UPF2: variants seen among roughly 807,000 people sequenced by gnomAD.
The protein encoded by UPF2 is regulator of nonsense transcripts 2.
UPF2 carries 17 observed loss-of-function variants against 141.4 expected under a neutral mutation model. That is an observed-to-expected ratio of 0.12 (90% CI 0.08 to 0.18). The LOEUF is 0.18. Ranked by LOEUF, UPF2 falls within the 10% of genes least tolerant of loss-of-function variation. UPF2 has a pLI of 1.00. For synonymous variants in UPF2, 540 were observed against 498.0 expected (o/e 1.08, Z -1.12); for missense variants, 1,152 against 1,515.9 (o/e 0.76, Z 3.99).
intron 4 of UPF2, among the ~76,000 whole-genome samples, chr10:12,009,045 T>C (rs1227942549): frequency 6.6e-6 from 1 of 152,220 alleles, no homozygotes; most frequent in Non-Finnish European, 1.5e-5. Context: ...GGCTGCATAG[T>C]ATTCCATGGT....
intron 9 of UPF2, among the ~76,000 whole-genome samples, chr10:11,971,542 G>A (rs975141350): frequency 2.0e-5 from 3 of 152,006 alleles, no homozygotes; most frequent in Non-Finnish European, 4.4e-5. Context: ...GTGAGCCACC[G>A]CGCCCGGTCT....
chr10:12,010,392 A>G (rs1414790442), intron 4 of UPF2, among the ~76,000 whole-genome samples: 1 of 152,258 alleles, frequency 6.6e-6, no homozygotes, highest in Admixed American at 6.5e-5. Context: ...TCAACAAGCT[A>G]CAAGATTGAA....
rs1001889894 is a variant in UPF2, at chr10:11,956,484, C to T, written c.2410G>A (p.Glu804Lys). The T allele has an allele frequency of 6.2e-7, 1 of 1,613,796 alleles. No individual in the cohort carries two copies. Among genetic ancestry groups the T allele is most frequent in the African/African-American group, 1.3e-5 (1 of 74,924 alleles). ...CAACAAATAACATAGTCTTTCACTT[C>T]TTGGTCCTGCCAGGGCAGCTTTCGC... ...QMRKLPWQDQEVKDYVICCMI... is the reference protein window; with the variant it reads ...QMRKLPWQDQKVKDYVICCMI... Residue 804 changes from glutamate to lysine, a missense_variant, in exon 13 of 22, where the codon GAA (glutamate) becomes AAA (lysine). Transcript: ENST00000357604. The surrounding 1 kb of genome is among the most constrained non-coding windows in gnomAD (Gnocchi z 4.2).
chr10:12,028,702 C>T (rs978285216), intron 3 of UPF2, 43 bp downstream of exon 3: 3 of 1,528,410 alleles, frequency 2.0e-6, no homozygotes, highest in Non-Finnish European at 8.8e-7. Context: ...TAAGTATGAG[C>T]TCCAAAATAA....
chr10:11,952,517 C>T (rs1473888417), intron 14 of UPF2, among the ~76,000 whole-genome samples: 2 of 147,524 alleles, frequency 1.4e-5, no homozygotes, highest in African/African-American at 5.0e-5. Flanking sequence ...CTCTGTCACC[C>T]AGTCTGGAGT....
At chr10:12,001,319 C>A (rs1328169296) in intron 6 of UPF2, among the ~76,000 whole-genome samples, 1 of 151,902 alleles carries the variant, frequency 6.6e-6, no homozygotes, top group Non-Finnish European at 1.5e-5. Context: ...GAGGCTGAGG[C>A]AGGAGAATTG....
rs191660101 is a variant in UPF2, at chr10:11,987,631, G to T, written c.1845-8466C>A. Among the ~76,000 whole-genome samples the T allele has an allele frequency of 2.0e-5, 3 of 151,746 alleles. No individual in the cohort carries two copies. The East Asian group carries it at 5.8e-4, about 29-fold the overall frequency. On this transcript the variant is annotated intron_variant, in intron 8 of 21. Coordinates refer to ENST00000357604, the MANE Select transcript of UPF2 (RefSeq NM_015542.4). ...ATAAAAATTAGCCAGGAGTGGTGGTGCATGCCTGTAGTCCCAGCTACTAGG... is the reference window on the plus strand; with the variant it reads ...ATAAAAATTAGCCAGGAGTGGTGGTTCATGCCTGTAGTCCCAGCTACTAGG...
chr10:12,029,222 A>C lies in UPF2; in HGVS notation c.668T>G (p.Val223Gly), dbSNP rs1834472482. The part of the protein sequence containing the change: ...KLKISDVNCA[V>G]HLCSLFHQRY... ...CTGGTGAAAGAGAGAGCAGAGGTGC[A>C]CAGCACAGTTCACATCAGAGATTTT... The change falls in exon 3 of 22, where the codon GTG (valine) becomes GGG (glycine). Residue 223 changes from valine to glycine, a missense_variant. Val to Gly is a moderately radical substitution (Grantham distance 109). This residue lies in a region of UPF2 where 739 missense variants were observed against 1,032.2 expected (regional missense o/e 0.72). Transcript: ENST00000357604. 1 of 1,614,102 alleles carries C rather than the reference A, an allele frequency of 6.2e-7. No individual in the cohort carries two copies. Among genetic ancestry groups the C allele is most frequent in the Admixed American group, 1.7e-5 (1 of 60,012 alleles).
chr10:11,934,085 G>A (rs1037687545), intron 19 of UPF2, among the ~76,000 whole-genome samples: 5 of 152,128 alleles, frequency 3.3e-5, no homozygotes, highest in African/African-American at 1.2e-4. Context: ...AGCCGGTGAT[G>A]GGGGGAATGG....
intron 9 of UPF2, 37 bp from the exon 10 acceptor site, chr10:11,967,491 C>A: frequency 8.9e-7 from 1 of 1,121,450 alleles, no homozygotes; most frequent in Non-Finnish European, 1.2e-6. Context: ...GCTTAATCAA[C>A]ATTTTGAATC....
rs1833578452 is a variant in UPF2, at chr10:11,980,753, G to A, written c.1845-1588C>T. On this transcript the variant is annotated intron_variant, in intron 8 of 21. Coordinates refer to ENST00000357604, the MANE Select transcript of UPF2 (RefSeq NM_015542.4). This position sits in a 1 kb window ranked among gnomAD's most constrained non-coding sequence, Gnocchi z 4.2. Reference sequence around the variant, plus strand: ...CATCTCAAAAAAAGATTATTGCTGAGCACATCACTGTACCATACAATAATA... The same window carrying A: ...CATCTCAAAAAAAGATTATTGCTGAACACATCACTGTACCATACAATAATA... Among the ~76,000 whole-genome samples, 1 of 151,964 alleles carries A rather than the reference G, an allele frequency of 6.6e-6. No individual in the cohort carries two copies.
rs924832217 is a variant in UPF2, at chr10:11,990,981, C to A, written c.1844+6691G>T. Among the ~76,000 whole-genome samples the A allele has an allele frequency of 1.3e-4, 18 of 136,588 alleles. No homozygotes were observed. In the Admixed American group the frequency reaches 1.3e-3, roughly 10 times the overall value. 89.6% of individuals were successfully genotyped at this position (136,588 alleles called of 152,430 possible). A position where few individuals can be genotyped will look rare whatever the true frequency, so the allele number is the denominator to read the frequency against. ...TCAGCGCTTGAGCGACAGAGCAAGA[C>A]TCCATCTCAAAAAAAAAAAAAAAAA... On this transcript the variant is annotated intron_variant, in intron 8 of 21. Coordinates refer to ENST00000357604, the MANE Select transcript of UPF2 (RefSeq NM_015542.4).
chr10:11,949,418 T>C (rs1342489271), intron 15 of UPF2, among the ~76,000 whole-genome samples: 1 of 152,268 alleles, frequency 6.6e-6, no homozygotes, highest in East Asian at 1.9e-4. Flanking sequence ...CTGCATGAAC[T>C]GTCAATGAGT....
At chr10:12,011,423 C>A (rs2131281341) in intron 4 of UPF2, among the ~76,000 whole-genome samples, 1 of 151,854 alleles carries the variant, frequency 6.6e-6, no homozygotes, top group South Asian at 2.1e-4. Context: ...CATGGTGAAA[C>A]CCCATCTCTA....
In UPF2 at chr10:11,992,533, T is replaced by C. The variant is rs1833796714; in HGVS notation, c.1844+5139A>G. Among the ~76,000 whole-genome samples, 1 of 152,006 alleles carries C rather than the reference T, an allele frequency of 6.6e-6. No homozygotes were observed. The highest frequency in any genetic ancestry group is 6.6e-5 in the Admixed American group (1 of 15,254). ...AACTTACAATCATAAAGTAATAAAA[T>C]AATAATGCAAACCTTCCTAAAACCA... is the stretch of plus-strand genomic sequence containing the variant. On this transcript the variant is annotated intron_variant, in intron 8 of 21. Transcript: ENST00000357604. The surrounding 1 kb of genome is among the most constrained non-coding windows in gnomAD (Gnocchi z 4.1).
Position 12,035,315 on chromosome 10 carries a change from G to A in UPF2, c.109C>T (p.Pro37Ser). 1 of 1,613,716 alleles carries A rather than the reference G, an allele frequency of 6.2e-7. No homozygotes were observed. Among genetic ancestry groups the A allele is most frequent in the Non-Finnish European group, 8.5e-7 (1 of 1,179,990 alleles). ...ERRTVSSKERPKDDIKLTAKK... is the reference protein window; with the variant it reads ...ERRTVSSKERSKDDIKLTAKK... ...GCAGTGAGCTTGATATCGTCTTTTGGCCTCTCCTTGCTGCTCACTGTCCGC... is the reference window on the plus strand; with the variant it reads ...GCAGTGAGCTTGATATCGTCTTTTGACCTCTCCTTGCTGCTCACTGTCCGC... Residue 37 changes from proline to serine, a missense_variant, in exon 2 of 22, where the codon CCA becomes TCA. Coordinates refer to ENST00000357604, the MANE Select transcript of UPF2 (RefSeq NM_015542.4).
rs1833162005 is a variant in UPF2 at position 11,956,971 on chromosome 10, A to G, written c.2371-448T>C. Among the ~76,000 whole-genome samples the G allele has an allele frequency of 6.6e-6, 1 of 152,122 alleles. No individual in the cohort carries two copies. Among genetic ancestry groups the G allele is most frequent in the South Asian group, 2.1e-4 (1 of 4,828 alleles). ...AAATAGACTGGACTACAGGCATGCA[A>G]TAGCATGCCTGGCTAATTTTTATAT... On this transcript the variant is annotated intron_variant, in intron 12 of 21. Transcript: ENST00000357604. This position sits in a 1 kb window ranked among gnomAD's most constrained non-coding sequence, Gnocchi z 4.2.
intron 4 of UPF2, among the ~76,000 whole-genome samples, chr10:12,013,654 T>A (rs891345743): frequency 6.6e-6 from 1 of 152,192 alleles, no homozygotes; most frequent in African/African-American, 2.4e-5. Context: ...AATGAACTCA[T>A]CATATTATCA....
At chr10:12,026,658 T>C in intron 3 of UPF2, 1 of 453,326 alleles carries the variant, frequency 2.2e-6, no homozygotes, top group Non-Finnish European at 4.4e-6. Flanking sequence ...TTTTTTTTTT[T>C]TTTTTTTTTA....
Sources: allele counts gnomAD v4.1 joint callset (sites outside exome capture counted in the v4.1 genomes callset), GRCh38; gene constraint gnomAD v4.1.1; regional missense constraint gnomAD v4.1.1; non-coding constraint Gnocchi (gnomAD v3.1); transcripts MANE v1.5; gene names NCBI Gene and HGNC (gene_info 2026-07-23, HGNC 2026-07-21).